Variants in SP100 observed in about 807,000 individuals in gnomAD.
SP100 encodes the protein nuclear autoantigen Sp-100.
A neutral mutation model predicts 130.0 loss-of-function variants in SP100; 84 were observed. That is an observed-to-expected ratio of 0.65 (90% CI 0.54 to 0.77). The LOEUF (loss-of-function observed/expected upper bound fraction) is 0.77, where lower values mean the gene tolerates loss of function less well. Among genes scored for constraint, SP100 ranks in the 30% least tolerant of loss-of-function variants. The probability of loss-of-function intolerance (pLI) is 0.00; values close to 1 mark genes in which losing one functional copy is unlikely to be tolerated. For missense variants in SP100, 978 were observed against 1,052.2 expected (o/e 0.93, Z 0.97); for synonymous variants, 331 against 351.7 (o/e 0.94, Z 0.66).
chr2:230,447,204 G>A lies in SP100; in HGVS notation c.523+302G>A, dbSNP rs79758297. Among the ~76,000 whole-genome samples, 1,452 of 152,250 alleles carry A rather than the reference G, an allele frequency of 9.5e-3. 25 individuals are homozygous for A. Among genetic ancestry groups the A allele is most frequent in the African/African-American group, 0.034 (1,393 of 41,542 alleles). On this transcript the variant is annotated intron_variant, in intron 5 of 28. Transcript: ENST00000340126. ...TAGGGGATCAGTGTGAAGTTGCAAA[G>A]GGTTAAGAACCACAGCCCGTGGCCC...
At chr2:230,539,078 G>A (rs972389979) in intron 24 of SP100, 189 bp from the exon 25 acceptor site, 3 of 413,644 alleles carry the variant, frequency 7.3e-6, no homozygotes, top group African/African-American at 5.9e-5. Flanking sequence ...AACTTTTCTG[G>A]CCTGACACAC....
intron 2 of SP100, among the ~76,000 whole-genome samples, chr2:230,421,504 C>CATATATATATATAT (rs55963279): frequency 5.9e-4 from 87 of 146,280 alleles, no homozygotes; most frequent in African/African-American, 1.4e-3. Context: ...AGAAGATATA[C>CATATATATATATAT]ATATATATAT....
chr2:230,530,356 C>A (rs1691645072), intron 24 of SP100, among the ~76,000 whole-genome samples: 1 of 152,102 alleles, frequency 6.6e-6, no homozygotes, highest in Non-Finnish European at 1.5e-5. Flanking sequence ...ATAAATCGTG[C>A]TGGGAAAACT....
At chr2:230,497,189 C>G (rs780812359) in intron 18 of SP100, among the ~76,000 whole-genome samples, 1 of 152,114 alleles carries the variant, frequency 6.6e-6, no homozygotes, top group South Asian at 2.1e-4. Flanking sequence ...CCCAAATCTT[C>G]TAGTAAGTAG....
In SP100 at chr2:230,500,123, T is replaced by TATA. The variant is rs1207895998; in HGVS notation, c.1720+1588_1720+1589insATA. Among the ~76,000 whole-genome samples the TATA allele has an allele frequency of 2.2e-3, 334 of 152,328 alleles. 1 individual carries two copies. The highest frequency in any genetic ancestry group is 7.5e-3 in the African/African-American group (312 of 41,578). Reference sequence around the variant, plus strand: ...TGATATACTCTTTTGCCAAGAATGATTAGTCCCTGCTATGAAAAAATATAT... The same window carrying TATA: ...TGATATACTCTTTTGCCAAGAATGATATATAGTCCCTGCTATGAAAAAATATAT... On this transcript the variant is annotated intron_variant, in intron 19 of 28. Coordinates refer to ENST00000340126, the MANE Select transcript of SP100 (RefSeq NM_001080391.2).
intron 4 of SP100, 123 bp downstream of exon 4, chr2:230,444,469 T>C: frequency 4.0e-6 from 3 of 746,774 alleles, no homozygotes; most frequent in Non-Finnish European, 6.6e-6. Context: ...GTTAACAAAA[T>C]AGACATGCCA....
chr2:230,536,479 G>C (rs533637755), intron 24 of SP100, among the ~76,000 whole-genome samples: 1 of 152,044 alleles, frequency 6.6e-6, no homozygotes, highest in Admixed American at 6.6e-5. Context: ...TCTTTCTCAG[G>C]AAACCAACCG....
chr2:230,453,188 G>C (rs75426191), intron 8 of SP100, among the ~76,000 whole-genome samples: 3,260 of 152,220 alleles, frequency 0.021, 142 homozygotes, highest in African/African-American at 0.074. Flanking sequence ...CAGTGCAAAG[G>C]GGGGACAAGT....
chr2:230,495,960 A>G (rs1279073677), intron 18 of SP100, among the ~76,000 whole-genome samples: 2 of 152,160 alleles, frequency 1.3e-5, no homozygotes, highest in African/African-American at 4.8e-5. Flanking sequence ...TGTAAATGAT[A>G]TATTTTCAAG....
intron 20 of SP100, among the ~76,000 whole-genome samples, chr2:230,503,319 C>T (rs2067140750): frequency 6.6e-6 from 1 of 152,050 alleles, no homozygotes; most frequent in Non-Finnish European, 1.5e-5. Context: ...TGCAGGGTTC[C>T]CTGAGCAATG....
intron 11 of SP100, among the ~76,000 whole-genome samples, chr2:230,465,654 C>T (rs1314766971): frequency 6.6e-6 from 1 of 152,070 alleles, no homozygotes; most frequent in African/African-American, 2.4e-5. Context: ...GGGCTTAATA[C>T]CTGGGTGATG....
chr2:230,437,666 C>A (rs1304064496), intron 2 of SP100, among the ~76,000 whole-genome samples: 1 of 152,078 alleles, frequency 6.6e-6, no homozygotes, highest in Non-Finnish European at 1.5e-5. Context: ...TCAAGCAATT[C>A]TCCTGCCTCA....
At chr2:230,524,589 TAAAG>T (rs150192902) in intron 24 of SP100, among the ~76,000 whole-genome samples, 1,803 of 152,262 alleles carry the variant, frequency 0.012, 49 homozygotes, top group African/African-American at 0.041. Context: ...AAATGATGCA[TAAAG>T]AATCTTATAA....
At chr2:230,486,329 C>T (rs1431478040) in intron 17 of SP100, among the ~76,000 whole-genome samples, 1 of 152,154 alleles carries the variant, frequency 6.6e-6, no homozygotes, top group Admixed American at 6.5e-5. Context: ...GTTCACTCCC[C>T]TCACCTTCCA....
intron 17 of SP100, among the ~76,000 whole-genome samples, chr2:230,475,870 T>C (rs757399895): frequency 6.6e-6 from 1 of 152,170 alleles, no homozygotes; most frequent in Non-Finnish European, 1.5e-5. Flanking sequence ...TGTTTCTGAG[T>C]TCTCTGTTCT....
chr2:230,537,414 C>T (rs563951212), intron 24 of SP100, among the ~76,000 whole-genome samples: 3 of 152,302 alleles, frequency 2.0e-5, no homozygotes, highest in African/African-American at 7.2e-5. Context: ...GGAGGTGAGA[C>T]CCTTCAGTAG....
chr2:230,527,765 G>T (rs749604750), intron 24 of SP100, among the ~76,000 whole-genome samples: 23 of 152,118 alleles, frequency 1.5e-4, no homozygotes, highest in African/African-American at 5.6e-4. Flanking sequence ...AAAAGCAGGG[G>T]TTGCAATCCT....
intron 24 of SP100, among the ~76,000 whole-genome samples, chr2:230,534,969 G>A (rs1468501689): frequency 6.6e-6 from 1 of 152,090 alleles, no homozygotes; most frequent in Non-Finnish European, 1.5e-5. Context: ...GGCCAAGACG[G>A]GTGGATCACA....
chr2:230,465,324 G>A (rs551049257), intron 11 of SP100, among the ~76,000 whole-genome samples: 24 of 151,976 alleles, frequency 1.6e-4, no homozygotes, highest in African/African-American at 5.8e-4. Flanking sequence ...ACTGGAACCT[G>A]GGAAGTTGAG....
Sources: gnomAD v4.1 joint callset for allele counts (sites outside exome capture counted in the v4.1 genomes callset) on GRCh38, gnomAD v4.1.1 for gene constraint, MANE v1.5 for transcripts, NCBI Gene and HGNC (gene_info 2026-07-23, HGNC 2026-07-21) for gene names.